Variants in ADAM18 observed in about 807,000 individuals in gnomAD.
The protein encoded by ADAM18 is disintegrin and metalloproteinase domain-containing protein 18.
ADAM18 carries 117 observed loss-of-function variants against 94.4 expected under a neutral mutation model. The observed-to-expected ratio is 1.24, with a 90% CI of 1.07 to 1.45. The LOEUF (loss-of-function observed/expected upper bound fraction) is 1.45, where lower values mean the gene tolerates loss of function less well. Ranked by LOEUF, ADAM18 falls within the 40% of genes most tolerant of loss-of-function variation. The probability of loss-of-function intolerance (pLI) is 0.00; values close to 1 mark genes in which losing one functional copy is unlikely to be tolerated. For synonymous variants in ADAM18, 327 were observed against 291.6 expected (o/e 1.12, Z -1.24); for missense variants, 936 against 880.0 (o/e 1.06, Z -0.81).
At chr8:39,666,519 T>G (rs1820996256) in intron 13 of ADAM18, among the ~76,000 whole-genome samples, 1 of 152,190 alleles carries the variant, frequency 6.6e-6, no homozygotes, top group South Asian at 2.1e-4. Context: ...TTAGTTGGTT[T>G]TCATGCTGCT....
chr8:39,606,765 G>A (rs757453215), intron 3 of ADAM18, among the ~76,000 whole-genome samples: 1 of 152,096 alleles, frequency 6.6e-6, no homozygotes, highest in African/African-American at 2.4e-5. Context: ...GGGCAGGCGG[G>A]CTGAGTCCGA....
chr8:39,686,670 C>T (rs888367970), intron 16 of ADAM18, among the ~76,000 whole-genome samples: 1 of 152,110 alleles, frequency 6.6e-6, no homozygotes, highest in East Asian at 1.9e-4. Flanking sequence ...TTGTTTATCT[C>T]TTTTGTTCTT....
At chr8:39,683,076 C>A (rs997485988) in intron 16 of ADAM18, among the ~76,000 whole-genome samples, 3 of 152,132 alleles carry the variant, frequency 2.0e-5, no homozygotes, top group African/African-American at 7.2e-5. Context: ...ATATAACTTG[C>A]AACATTAGGA....
chr8:39,673,993 C>T (rs747431172), intron 14 of ADAM18, among the ~76,000 whole-genome samples: 9 of 151,976 alleles, frequency 5.9e-5, no homozygotes, highest in South Asian at 4.1e-4. Flanking sequence ...AGAGACAGTT[C>T]GTTGTGATTT....
chr8:39,615,152 A>G (rs1563276126), intron 6 of ADAM18, among the ~76,000 whole-genome samples: 1 of 151,776 alleles, frequency 6.6e-6, no homozygotes, highest in Non-Finnish European at 1.5e-5. Context: ...CAGAATATAC[A>G]TTTTTCTCAT....
chr8:39,586,851 A>T (rs1818419150), intron 2 of ADAM18, among the ~76,000 whole-genome samples: 1 of 151,884 alleles, frequency 6.6e-6, no homozygotes, highest in Admixed American at 6.6e-5. Flanking sequence ...ATTTACTACT[A>T]TTGTACATTG....
intron 2 of ADAM18, among the ~76,000 whole-genome samples, chr8:39,588,730 C>T (rs546122032): frequency 5.3e-5 from 8 of 152,226 alleles, no homozygotes; most frequent in East Asian, 3.9e-4. Context: ...ATTGCAAGCA[C>T]GCCTGCAATT....
At chr8:39,653,012 C>T (rs1282707758) in intron 12 of ADAM18, among the ~76,000 whole-genome samples, 1 of 151,980 alleles carries the variant, frequency 6.6e-6, no homozygotes, top group South Asian at 2.1e-4. Flanking sequence ...ATGGTGCTAC[C>T]AGGGGCTGGG....
intron 16 of ADAM18, among the ~76,000 whole-genome samples, chr8:39,690,339 C>G (rs1563308118): frequency 6.6e-6 from 1 of 151,974 alleles, no homozygotes; most frequent in East Asian, 1.9e-4. Flanking sequence ...TGTGTGCACT[C>G]TAGTAGGGGT....
At chr8:39,642,153 C>A (rs1390151190) in intron 10 of ADAM18, among the ~76,000 whole-genome samples, 1 of 152,090 alleles carries the variant, frequency 6.6e-6, no homozygotes, top group Admixed American at 6.6e-5. Flanking sequence ...CCTACAGATG[C>A]TAGATATTAA....
chr8:39,630,798 T>C (rs958739730), intron 7 of ADAM18, among the ~76,000 whole-genome samples: 8 of 152,064 alleles, frequency 5.3e-5, no homozygotes, highest in East Asian at 1.9e-4. Context: ...TTGGACAATA[T>C]TGGTAAACAG....
chr8:39,619,869 C>A, intron 6 of ADAM18, among the ~76,000 whole-genome samples: 1 of 152,010 alleles, frequency 6.6e-6, no homozygotes, highest in Non-Finnish European at 1.5e-5. Flanking sequence ...CCAGTCTTTA[C>A]AGAAATAGAA....
At chr8:39,660,085 G>A (rs761621296) in intron 12 of ADAM18, among the ~76,000 whole-genome samples, 3 of 151,662 alleles carry the variant, frequency 2.0e-5, no homozygotes, top group South Asian at 4.2e-4. Context: ...TAACCACAAC[G>A]CAAAAAACTA....
At chr8:39,709,890 G>A (rs970243936) in intron 18 of ADAM18, among the ~76,000 whole-genome samples, 2 of 152,204 alleles carry the variant, frequency 1.3e-5, no homozygotes, top group East Asian at 1.9e-4. Flanking sequence ...GTTATAAAAA[G>A]TTTGCATGAA....
At chr8:39,585,172 A>C in intron 1 of ADAM18, 104 bp from the exon 2 acceptor site, 1 of 797,842 alleles carries the variant, frequency 1.3e-6, no homozygotes, top group Non-Finnish European at 2.0e-6. Flanking sequence ...CTTCTACTTA[A>C]AATTTTAGGC....
At chr8:39,711,164 A>T (rs141909103) in intron 18 of ADAM18, among the ~76,000 whole-genome samples, 1 of 152,348 alleles carries the variant, frequency 6.6e-6, no homozygotes, top group Non-Finnish European at 1.5e-5. Context: ...TCTGGGAGTC[A>T]GACTTCAGTG....
chr8:39,624,868 T>A (rs1563280298), intron 6 of ADAM18, among the ~76,000 whole-genome samples: 1 of 152,238 alleles, frequency 6.6e-6, no homozygotes, highest in East Asian at 1.9e-4. Context: ...TCCACCATGA[T>A]TGAAAGTTTT....
chr8:39,700,076 C>T (rs1464155544), intron 17 of ADAM18, among the ~76,000 whole-genome samples: 2 of 152,092 alleles, frequency 1.3e-5, no homozygotes, highest in African/African-American at 4.8e-5. Context: ...ATTTATGCCA[C>T]TTTGATAACA....
chr8:39,685,275 A>G (rs1214618247), intron 16 of ADAM18: 1 of 152,176 alleles, frequency 6.6e-6, no homozygotes, highest in Admixed American at 6.5e-5. Flanking sequence ...AGACACCCCC[A>G]AGGTTGATTT....
Sources: allele counts gnomAD v4.1 joint callset (sites outside exome capture counted in the v4.1 genomes callset), GRCh38; gene constraint gnomAD v4.1.1; transcripts MANE v1.5; gene names NCBI Gene and HGNC (gene_info 2026-07-23, HGNC 2026-07-21).